KCNQ5: variants seen among roughly 807,000 people sequenced by gnomAD.
The protein encoded by KCNQ5 is potassium voltage-gated channel subfamily Q member 5.
Under a neutral mutation model 98.2 loss-of-function variants are expected in KCNQ5, and 30 were observed. That is an observed-to-expected ratio of 0.31 (90% confidence interval 0.23 to 0.41). The LOEUF is 0.41. KCNQ5 is among the 10% of genes least tolerant of loss of function. The pLI is 1.00. For missense variants in KCNQ5, 835 were observed against 1,182.5 expected (o/e 0.71, Z 4.31); for synonymous variants, 458 against 449.4 (o/e 1.02, Z -0.24).
At chr6:72,996,963 G>A (rs1361570920) in intron 1 of KCNQ5, among the ~76,000 whole-genome samples, 1 of 152,172 alleles carries the variant, frequency 6.6e-6, no homozygotes, top group Non-Finnish European at 1.5e-5. Flanking sequence ...CTCTTAGGGA[G>A]GAAGGAGCAC....
intron 1 of KCNQ5, among the ~76,000 whole-genome samples, chr6:72,663,425 A>T (rs1766629190): frequency 6.6e-6 from 1 of 152,198 alleles, no homozygotes; most frequent in African/African-American, 2.4e-5. Flanking sequence ...AGACTAAACT[A>T]GTCTTCCTAA....
intron 1 of KCNQ5, among the ~76,000 whole-genome samples, chr6:72,919,840 T>C (rs1393603353): frequency 1.3e-5 from 2 of 152,156 alleles, no homozygotes; most frequent in African/African-American, 2.4e-5. Flanking sequence ...CCAAGATGGA[T>C]GTATTCTTCA....
At chr6:73,108,790 G>A (rs1775109013) in intron 6 of KCNQ5, among the ~76,000 whole-genome samples, 1 of 152,018 alleles carries the variant, frequency 6.6e-6, no homozygotes, top group African/African-American at 2.4e-5. Context: ...TCGCTCCACT[G>A]CACTCCAGCC....
chr6:73,067,966 T>C (rs1773135035), intron 3 of KCNQ5, among the ~76,000 whole-genome samples: 1 of 151,862 alleles, frequency 6.6e-6, no homozygotes, highest in South Asian at 2.1e-4. Flanking sequence ...TGCAAATGTA[T>C]GTATTTATAC....
intron 1 of KCNQ5, among the ~76,000 whole-genome samples, chr6:72,831,902 G>A (rs1259379483): frequency 1.3e-5 from 2 of 151,928 alleles, no homozygotes; most frequent in Admixed American, 1.3e-4. Context: ...TGGGAAACAT[G>A]AATTGTAAGG....
intron 1 of KCNQ5, among the ~76,000 whole-genome samples, chr6:72,780,928 C>G (rs1773432533): frequency 6.6e-6 from 1 of 152,160 alleles, no homozygotes; most frequent in Non-Finnish European, 1.5e-5. Flanking sequence ...GTTTCTAGCT[C>G]TGAGGCCAGT....
rs141011300 is a variant in KCNQ5, at chr6:72,865,240, C to T, written c.399-138668C>T. On this transcript the variant is annotated intron_variant, in intron 1 of 13. Transcript: ENST00000370398. ...ATCTCAAGTTCTTTCCACACTCTTG[C>T]ATTATCACTCTCCTTGTTGATGTTC... Among the ~76,000 whole-genome samples the T allele has an allele frequency of 5.3e-5, 8 of 152,316 alleles. No homozygotes were observed. The East Asian group carries it at 9.6e-4, about 18-fold the overall frequency.
intron 1 of KCNQ5, among the ~76,000 whole-genome samples, chr6:72,919,217 G>C (rs1195269579): frequency 6.6e-6 from 1 of 152,060 alleles, no homozygotes; most frequent in East Asian, 1.9e-4. Context: ...GGAAAGATGG[G>C]GCAGGCAAAA....
At chr6:72,988,150 CT>C (rs1768894612) in intron 1 of KCNQ5, among the ~76,000 whole-genome samples, 2 of 152,146 alleles carry the variant, frequency 1.3e-5, no homozygotes, top group South Asian at 4.1e-4. Flanking sequence ...TACAGATGAC[CT>C]TTGTTGAGTG....
intron 11 of KCNQ5, among the ~76,000 whole-genome samples, chr6:73,170,724 AG>A (rs1404585302): frequency 1.3e-5 from 2 of 152,132 alleles, no homozygotes; most frequent in Non-Finnish European, 1.5e-5. Flanking sequence ...ACTTGAGGTC[AG>A]GAGTTCAAGA....
chr6:72,685,525 C>A (rs1250692983), intron 1 of KCNQ5, among the ~76,000 whole-genome samples: 2 of 152,184 alleles, frequency 1.3e-5, no homozygotes, highest in African/African-American at 4.8e-5. Context: ...ACTATCCTTG[C>A]ATTTTTTATA....
At chr6:72,671,092 G>GT (rs1489806887) in intron 1 of KCNQ5, among the ~76,000 whole-genome samples, 7 of 152,190 alleles carry the variant, frequency 4.6e-5, no homozygotes, top group African/African-American at 1.7e-4. Context: ...TTTAACGCCC[G>GT]TATTTCTACC....
chr6:72,718,739 G>A (rs1401711523), intron 1 of KCNQ5, among the ~76,000 whole-genome samples: 13 of 152,104 alleles, frequency 8.5e-5, no homozygotes, highest in African/African-American at 3.1e-4. Flanking sequence ...GTGAGCCACC[G>A]CACCCAGCCT....
At chr6:73,122,802 T>C (rs1438179607) in intron 8 of KCNQ5, among the ~76,000 whole-genome samples, 1 of 152,228 alleles carries the variant, frequency 6.6e-6, no homozygotes, top group Non-Finnish European at 1.5e-5. Flanking sequence ...CCTACAATTT[T>C]AATGTATTCA....
intron 1 of KCNQ5, among the ~76,000 whole-genome samples, chr6:72,714,798 C>T (rs1769557035): frequency 6.6e-6 from 1 of 152,114 alleles, no homozygotes; most frequent in Admixed American, 6.6e-5. Context: ...AACTTGATTT[C>T]CTCTTAATAT....
intron 1 of KCNQ5, among the ~76,000 whole-genome samples, chr6:72,954,426 C>T (rs1766947674): frequency 6.6e-6 from 1 of 152,078 alleles, no homozygotes; most frequent in African/African-American, 2.4e-5. Flanking sequence ...AGGCAGCATT[C>T]CAGTGTATCC....
intron 1 of KCNQ5, among the ~76,000 whole-genome samples, chr6:72,628,243 C>T (rs956492585): frequency 6.6e-6 from 1 of 152,110 alleles, no homozygotes; most frequent in South Asian, 2.1e-4. Flanking sequence ...TTTTCTTAGA[C>T]GTAAGATACT....
intron 11 of KCNQ5, among the ~76,000 whole-genome samples, chr6:73,188,707 G>A (rs966292390): frequency 5.9e-5 from 9 of 152,242 alleles, no homozygotes; most frequent in South Asian, 2.1e-4. Flanking sequence ...CATCTAGGCC[G>A]GGCGCGGTGG....
chr6:72,992,794 G>A (rs1322196017), intron 1 of KCNQ5, among the ~76,000 whole-genome samples: 1 of 109,402 alleles, frequency 9.1e-6, no homozygotes, highest in Non-Finnish European at 1.8e-5. Flanking sequence ...GCAGCGGCTG[G>A]TACCGGTTGT....
Sources: allele counts gnomAD v4.1 joint callset (sites outside exome capture counted in the v4.1 genomes callset), GRCh38; gene constraint gnomAD v4.1.1; transcripts MANE v1.5; gene names NCBI Gene and HGNC (gene_info 2026-07-23, HGNC 2026-07-21).